Variants in PDE12 observed in about 807,000 individuals in gnomAD.
The protein encoded by PDE12 is phosphodiesterase 12.
PDE12 carries 26 observed loss-of-function variants against 45.4 expected under a neutral mutation model. The observed-to-expected ratio is 0.57, with a 90% confidence interval of 0.42 to 0.79. The LOEUF (loss-of-function observed/expected upper bound fraction) is 0.79, where lower values mean the gene tolerates loss of function less well. Among genes scored for constraint, PDE12 ranks in the 30% least tolerant of loss-of-function variants. The pLI is 0.00. For synonymous variants in PDE12, 283 were observed against 323.9 expected (o/e 0.87, Z 1.36); for missense variants, 668 against 790.0 (o/e 0.85, Z 1.85).
chr3:57,575,484 C>T, the PDE12 span: 2 of 1,464,774 alleles, frequency 1.4e-6, no homozygotes, highest in Non-Finnish European at 1.8e-6. Context: ...TGAATATTAG[C>T]TTACACAACT....
At chr3:57,588,027 T>C in the PDE12 span, among the ~76,000 whole-genome samples, 1 of 152,238 alleles carries the variant, frequency 6.6e-6, no homozygotes, top group Non-Finnish European at 1.5e-5. Flanking sequence ...TTGAGCCACT[T>C]CAGTCATTTC....
chr3:57,604,375 A>G, the PDE12 span, among the ~76,000 whole-genome samples: 15 of 152,224 alleles, frequency 9.9e-5, no homozygotes, highest in African/African-American at 3.1e-4. Context: ...TGATAGTGTT[A>G]ACAAAATAAT....
the PDE12 span, among the ~76,000 whole-genome samples, chr3:57,614,690 G>A: frequency 6.0e-5 from 9 of 151,096 alleles, no homozygotes; most frequent in East Asian, 1.2e-3. Flanking sequence ...ACTTACAGGC[G>A]CCTGCCAACA....
chr3:57,603,407 G>T, the PDE12 span, among the ~76,000 whole-genome samples: 1 of 150,888 alleles, frequency 6.6e-6, no homozygotes, highest in African/African-American at 2.4e-5. Context: ...GCATGACTTT[G>T]GCTCACTACA....
the PDE12 span, chr3:57,633,216 AC>A: frequency 6.9e-7 from 1 of 1,454,094 alleles, no homozygotes; most frequent in Non-Finnish European, 9.6e-7. Flanking sequence ...ACATTTATAT[AC>A]CCTTCACCAA....
chr3:57,608,547 G>A, the PDE12 span, among the ~76,000 whole-genome samples: 1 of 151,670 alleles, frequency 6.6e-6, no homozygotes. Context: ...AGGAAGATCT[G>A]CCAAGCAAAT....
the PDE12 span, among the ~76,000 whole-genome samples, chr3:57,653,122 G>C: frequency 0.01 from 1,538 of 152,106 alleles, 30 homozygotes; most frequent in African/African-American, 0.034. Flanking sequence ...AATGGTTTGG[G>C]AAAAAAGTCT....
the PDE12 span, chr3:57,630,505 T>G: frequency 6.3e-7 from 1 of 1,589,406 alleles, no homozygotes. Context: ...CATCAAAATT[T>G]GGAGACTTTA....
At chr3:57,591,660 T>C in the PDE12 span, among the ~76,000 whole-genome samples, 1 of 151,854 alleles carries the variant, frequency 6.6e-6, no homozygotes, top group Non-Finnish European at 1.5e-5. Flanking sequence ...ATAGATGGGG[T>C]TTCACTATGT....
chr3:57,635,319 C>A, the PDE12 span, among the ~76,000 whole-genome samples: 1 of 152,112 alleles, frequency 6.6e-6, no homozygotes, highest in Non-Finnish European at 1.5e-5. Flanking sequence ...CAGGTCTGAG[C>A]CACAGATGGA....
At chr3:57,569,136 C>T (rs939510309), downstream of PDE12, among the ~76,000 whole-genome samples, 6 of 152,088 alleles carry the variant, frequency 3.9e-5, no homozygotes, top group Admixed American at 1.3e-4. Flanking sequence ...ATCTTGATAG[C>T]ATCAACTATT....
At chr3:57,611,432 C>A in the PDE12 span, among the ~76,000 whole-genome samples, 9 of 152,170 alleles carry the variant, frequency 5.9e-5, no homozygotes, top group Non-Finnish European at 2.9e-5. Context: ...AAACTACCAT[C>A]TGAGTGAACA....
chr3:57,598,182 T>G, the PDE12 span: 1 of 150,382 alleles, frequency 6.6e-6, no homozygotes, highest in African/African-American at 2.4e-5. Context: ...GCGCGGTGAC[T>G]CACCGCGCCC....
Position 57,556,873 on chromosome 3 carries a change from C to T in PDE12, c.494C>T (p.Thr165Ile). 1 of 1,614,148 alleles carries T rather than the reference C, an allele frequency of 6.2e-7. No individual in the cohort carries two copies. The change falls in exon 1 of 3, where the codon ACC (threonine) becomes ATC (isoleucine). Residue 165 changes from threonine to isoleucine, a missense_variant. Thr to Ile is a moderately conservative substitution (Grantham distance 89). Coordinates refer to ENST00000311180, the MANE Select transcript of PDE12 (RefSeq NM_177966.7). The surrounding 1 kb of genome is among the most constrained non-coding windows in gnomAD (Gnocchi z 5.0). Reference sequence around the variant, plus strand: ...GTGGAGCGCAACCCGCCCGCCTTCACCGAACTGCAGTTGCCGCGCTACATC... The same window carrying T: ...GTGGAGCGCAACCCGCCCGCCTTCATCGAACTGCAGTTGCCGCGCTACATC... ...YKVERNPPAF[T>I]ELQLPRYIMA... is the part of the protein sequence containing the mutation.
At chr3:57,631,048 A>T in the PDE12 span, 1 of 1,461,158 alleles carries the variant, frequency 6.8e-7, no homozygotes. Flanking sequence ...CTTAAAAGGA[A>T]TGGGTCTTTT....
At chr3:57,571,324 A>G (rs1158695564), downstream of PDE12, 1 of 152,456 alleles carries the variant, frequency 6.6e-6, no homozygotes, top group Non-Finnish European at 1.5e-5. Context: ...AAGAAAATAC[A>G]TTTCAAATAC....
In PDE12 at chr3:57,565,456, C is replaced by G. The variant is rs553365228; in HGVS notation, c.*5452C>G. ...TCACATCAAGCATTCATTTGTGTTA[C>G]GAACATTCCAATTGTACTCTCTCAG... On this transcript the variant is annotated 3_prime_UTR_variant, in exon 3 of 3. Coordinates refer to ENST00000311180, the MANE Select transcript of PDE12 (RefSeq NM_177966.7). The G allele has an allele frequency of 6.6e-6, 1 of 152,126 alleles. No individual in the cohort carries two copies. The highest frequency in any genetic ancestry group is 1.5e-5 in the Non-Finnish European group (1 of 68,026). 9.4% of individuals were successfully genotyped at this position (152,126 alleles called of 1,614,324 possible).
the PDE12 span, among the ~76,000 whole-genome samples, chr3:57,618,748 A>G: frequency 1.1e-4 from 17 of 150,420 alleles, no homozygotes; most frequent in East Asian, 2.4e-3. Context: ...AGCTGGGATT[A>G]CAGGCGTGCA....
chr3:57,597,150 G>C, the PDE12 span: 43 of 1,613,398 alleles, frequency 2.7e-5, no homozygotes, highest in Non-Finnish European at 3.6e-5. Context: ...TGGCGGTAGT[G>C]GCACTTGTGA....
Sources: allele counts gnomAD v4.1 joint callset (sites outside exome capture counted in the v4.1 genomes callset), GRCh38; gene constraint gnomAD v4.1.1; non-coding constraint Gnocchi (gnomAD v3.1); transcripts MANE v1.5; gene names NCBI Gene and HGNC (gene_info 2026-07-23, HGNC 2026-07-21).